Variants in CATSPERE observed in about 807,000 individuals in gnomAD.
The protein encoded by CATSPERE is catsper channel auxiliary subunit epsilon.
Under a neutral mutation model 114.1 loss-of-function variants are expected in CATSPERE, and 93 were observed. The ratio of observed to expected loss-of-function variants is 0.81; its 90% CI spans 0.69 to 0.97. CATSPERE has a LOEUF of 0.97. CATSPERE is among the 50% of genes least tolerant of loss of function. The pLI, the probability that CATSPERE is intolerant of heterozygous loss-of-function variation, is 0.00. For synonymous variants in CATSPERE, 341 were observed against 384.1 expected (o/e 0.89, Z 1.31); for missense variants, 1,058 against 1,131.6 (o/e 0.93, Z 0.93).
intron 2 of CATSPERE, among the ~76,000 whole-genome samples, chr1:244,473,305 T>C (rs1668773105): frequency 6.6e-6 from 1 of 152,182 alleles, no homozygotes; most frequent in Admixed American, 6.6e-5. Flanking sequence ...GCAATTCCAA[T>C]AGGTGTGTTG....
chr1:244,579,646 A>C (rs1665873072), intron 11 of CATSPERE, among the ~76,000 whole-genome samples: 1 of 152,234 alleles, frequency 6.6e-6, no homozygotes, highest in African/African-American at 2.4e-5. Flanking sequence ...CAGACCTTCA[A>C]ACTACTAGTT....
intron 6 of CATSPERE, among the ~76,000 whole-genome samples, chr1:244,496,176 C>T (rs1306326070): frequency 6.6e-6 from 1 of 152,152 alleles, no homozygotes; most frequent in Non-Finnish European, 1.5e-5. Context: ...ACAATTAAGA[C>T]CTCCAGGCAG....
intron 1 of CATSPERE, among the ~76,000 whole-genome samples, chr1:244,462,873 T>TA (rs1029413068): frequency 2.6e-5 from 4 of 152,182 alleles, no homozygotes; most frequent in Non-Finnish European, 4.4e-5. Context: ...GCCTCTGATT[T>TA]AAAGCTTTAG....
chr1:244,556,266 A>G (rs1661559026), intron 9 of CATSPERE, among the ~76,000 whole-genome samples: 1 of 152,242 alleles, frequency 6.6e-6, no homozygotes, highest in East Asian at 1.9e-4. Flanking sequence ...AAAAAAATTT[A>G]TACAAGATAG....
intron 9 of CATSPERE, 100 bp from the exon 10 acceptor site, chr1:244,560,568 T>TA (rs1412451026): frequency 2.9e-6 from 2 of 682,890 alleles, no homozygotes; most frequent in African/African-American, 3.8e-5. Context: ...AAAGAAAATT[T>TA]AAAAAAATAA....
At chr1:244,553,948 A>G (rs1189366539) in intron 9 of CATSPERE, among the ~76,000 whole-genome samples, 2 of 152,044 alleles carry the variant, frequency 1.3e-5, no homozygotes, top group Non-Finnish European at 2.9e-5. Context: ...TGCCTGGCTT[A>G]TTTCACTTTA....
intron 6 of CATSPERE, among the ~76,000 whole-genome samples, chr1:244,490,700 T>C (rs542675389): frequency 6.6e-6 from 1 of 152,304 alleles, no homozygotes; most frequent in East Asian, 1.9e-4. Flanking sequence ...TCTACCGAGA[T>C]AATATTCACC....
At chr1:244,614,203 C>T (rs764219927) in intron 19 of CATSPERE, among the ~76,000 whole-genome samples, 3 of 152,202 alleles carry the variant, frequency 2.0e-5, no homozygotes, top group Non-Finnish European at 2.9e-5. Context: ...TGAAAGCCTC[C>T]GCAACTCAGC....
rs563884736 is a variant in CATSPERE at position 244,585,733 on chromosome 1, G to A, written c.2085+1794G>A. Among the ~76,000 whole-genome samples, 18 of 152,334 alleles carry A rather than the reference G, an allele frequency of 1.2e-4. No individual in the cohort carries two copies. The South Asian group carries it at 3.7e-3, about 32-fold the overall frequency. ...CTGCTGGACCGAAGGGACATGGACT[G>A]CACTATTTGAATAGGAGCCTGTTGT... On this transcript the variant is annotated intron_variant, in intron 13 of 21. Coordinates refer to ENST00000366534, the MANE Select transcript of CATSPERE (RefSeq NM_001130957.2).
chr1:244,600,863 T>A (rs1669114438), intron 17 of CATSPERE, among the ~76,000 whole-genome samples: 1 of 151,616 alleles, frequency 6.6e-6, no homozygotes, highest in Non-Finnish European at 1.5e-5. Context: ...GTCACCACCA[T>A]CAAAGAATCG....
rs779534143 is a variant in CATSPERE, at chr1:244,588,477, T to C, written c.2086-5T>C. ...GAACTCACTACCTAAGTTACTTCAT[T>C]TTAGGTGTTCCAAATAGCTGTTGGC... On this transcript the variant is annotated splice_polypyrimidine_tract_variant and splice_region_variant and intron_variant, in intron 13 of 21. Coordinates refer to ENST00000366534, the MANE Select transcript of CATSPERE (RefSeq NM_001130957.2). 6.2e-7 allele frequency: 1 copy of C among 1,607,324 alleles called. No homozygotes were observed. The highest frequency in any genetic ancestry group is 8.5e-7 in the Non-Finnish European group (1 of 1,173,940).
rs1666722500 is a variant in CATSPERE at position 244,461,341 on chromosome 1, C to T, written c.-89C>T. The T allele has an allele frequency of 2.5e-6, 3 of 1,189,090 alleles. No homozygotes were observed. Among genetic ancestry groups the T allele is most frequent in the African/African-American group, 3.2e-5 (2 of 63,064 alleles). 73.7% of individuals were successfully genotyped at this position (1,189,090 alleles called of 1,614,324 possible). A position where few individuals can be genotyped will look rare whatever the true frequency, so the allele number is the denominator to read the frequency against. ...AGAGGCGCCGGGACCCAGGCGCCTG[C>T]AGCCGCCCGCCGGGCCGACGTCCCA... On this transcript the variant is annotated 5_prime_UTR_variant, in exon 1 of 22. Transcript: ENST00000366534.
intron 7 of CATSPERE, among the ~76,000 whole-genome samples, chr1:244,500,535 A>T (rs1005869728): frequency 6.6e-6 from 1 of 152,202 alleles, no homozygotes; most frequent in African/African-American, 2.4e-5. Flanking sequence ...GGTTTAAGGA[A>T]GGGGTCCAGT....
At chr1:244,564,859 A>G (rs1435617254) in intron 10 of CATSPERE, among the ~76,000 whole-genome samples, 4 of 152,192 alleles carry the variant, frequency 2.6e-5, no homozygotes, top group South Asian at 2.1e-4. Context: ...GCTTTTGCCT[A>G]TTCAGTATGA....
chr1:244,494,663 G>T (rs1357924255), intron 6 of CATSPERE, among the ~76,000 whole-genome samples: 1 of 151,954 alleles, frequency 6.6e-6, no homozygotes, highest in Non-Finnish European at 1.5e-5. Context: ...TGGAATAGAG[G>T]ATGATTAGAA....
At chr1:244,571,056 C>G (rs964475601) in intron 10 of CATSPERE, among the ~76,000 whole-genome samples, 5 of 152,076 alleles carry the variant, frequency 3.3e-5, no homozygotes, top group African/African-American at 1.2e-4. Flanking sequence ...TGTTTTGTTT[C>G]CTGAAGTTTT....
At chr1:244,552,190 T>G in intron 8 of CATSPERE, 132 bp from the exon 9 acceptor site, 1 of 1,132,782 alleles carries the variant, frequency 8.8e-7, no homozygotes, top group Non-Finnish European at 1.2e-6. Flanking sequence ...TGGTTGCATT[T>G]TAATATTATT....
intron 17 of CATSPERE, among the ~76,000 whole-genome samples, chr1:244,596,930 G>A (rs113311767): frequency 2.2e-4 from 33 of 152,212 alleles, no homozygotes; most frequent in Middle Eastern, 3.4e-3. Context: ...CACCATACCT[G>A]TCCATCCTCA....
intron 8 of CATSPERE, among the ~76,000 whole-genome samples, chr1:244,547,917 A>G (rs1660012632): frequency 6.6e-6 from 1 of 152,238 alleles, no homozygotes. Flanking sequence ...CTGTGAGGAC[A>G]CACATAAACT....
Sources: allele counts gnomAD v4.1 joint callset (sites outside exome capture counted in the v4.1 genomes callset), GRCh38; gene constraint gnomAD v4.1.1; transcripts MANE v1.5; gene names NCBI Gene and HGNC (gene_info 2026-07-23, HGNC 2026-07-21).